Variants in DNM3 observed in about 807,000 individuals in gnomAD.
DNM3 encodes the protein dynamin-3.
DNM3 carries 47 observed loss-of-function variants against 101.6 expected under a neutral mutation model. The ratio of observed to expected loss-of-function variants is 0.46; its 90% confidence interval spans 0.37 to 0.59. The LOEUF is 0.59. Ranked by LOEUF, DNM3 falls within the 20% of genes least tolerant of loss-of-function variation. The pLI is 0.00. For synonymous variants in DNM3, 385 were observed against 387.9 expected (o/e 0.99, Z 0.09); for missense variants, 849 against 1,085.7 (o/e 0.78, Z 3.06).
intron 14 of DNM3, among the ~76,000 whole-genome samples, chr1:172,206,496 G>A (rs1361865053): frequency 6.6e-6 from 1 of 151,968 alleles, no homozygotes; most frequent in Non-Finnish European, 1.5e-5. Context: ...AATTTTTACT[G>A]TTGTATCAAG....
At position 172,407,756 on chromosome 1, in the gene DNM3, C is replaced by A. The variant is rs772314408; in HGVS notation, c.2523-16C>A. 6.2e-7 allele frequency: 1 copy of A among 1,612,230 alleles called. No individual in the cohort carries two copies. Among genetic ancestry groups the A allele is most frequent in the East Asian group, 2.2e-5 (1 of 44,864 alleles). On this transcript the variant is annotated splice_polypyrimidine_tract_variant and intron_variant, in intron 20 of 20. Coordinates refer to ENST00000627582, the MANE Select transcript of DNM3 (RefSeq NM_015569.5). The stretch of plus-strand genomic sequence containing the variant: ...ATTCTACTTGTTTCTTTACCTTTCT[C>A]TTTTTCTCTTTCTAGCCGGAGACCA...
chr1:172,097,269 G>A (rs1042668893), intron 13 of DNM3, among the ~76,000 whole-genome samples: 4 of 151,954 alleles, frequency 2.6e-5, no homozygotes, highest in African/African-American at 7.3e-5. Context: ...GCATGGTGGC[G>A]AGTGCCTGTA....
At chr1:172,011,302 T>C (rs898190408) in intron 4 of DNM3, among the ~76,000 whole-genome samples, 2 of 151,924 alleles carry the variant, frequency 1.3e-5, no homozygotes, top group African/African-American at 4.8e-5. Context: ...CTGCCATGCA[T>C]GTAGAATTAC....
rs1323579105 is a variant in DNM3, at chr1:171,989,148, GGTGA to G, written c.589+4_589+7del. The G allele has an allele frequency of 6.2e-7, 1 of 1,612,242 alleles. No individual in the cohort carries two copies. Among genetic ancestry groups the G allele is most frequent in the Non-Finnish European group, 8.5e-7 (1 of 1,179,018 alleles). Reference sequence around the variant, plus strand: ...GCTAGCTAAAGAAGTTGATCCTCAAGGTGAGTGTGTGACTACTAAGATGAGAAGG... The same window carrying G: ...GCTAGCTAAAGAAGTTGATCCTCAAGGTGTGTGACTACTAAGATGAGAAGG... On this transcript the variant is annotated splice_donor_variant and splice_donor_region_variant and intron_variant, in intron 4 of 20. Transcript: ENST00000627582. LOFTEE classifies it high-confidence loss of function.
intron 1 of DNM3, among the ~76,000 whole-genome samples, chr1:171,887,309 G>A (rs2036863993): frequency 6.6e-6 from 1 of 152,202 alleles, no homozygotes; most frequent in African/African-American, 2.4e-5. Context: ...AGTGACTGGG[G>A]CCAGAACCCA....
At chr1:172,401,199 AC>A (rs1401336418) in intron 20 of DNM3, among the ~76,000 whole-genome samples, 1 of 152,200 alleles carries the variant, frequency 6.6e-6, no homozygotes, top group Non-Finnish European at 1.5e-5. Context: ...TATTTTAAAA[AC>A]CAACTTAAAC....
chr1:171,875,544 T>C (rs2035686334), intron 1 of DNM3, among the ~76,000 whole-genome samples: 1 of 152,094 alleles, frequency 6.6e-6, no homozygotes, highest in Non-Finnish European at 1.5e-5. Flanking sequence ...GGCAATAGAG[T>C]GTGCCATAGC....
Position 172,267,527 on chromosome 1 carries a change from A to T in DNM3, c.1769+13845A>T, listed in dbSNP as rs1026105275. Among the ~76,000 whole-genome samples the T allele has an allele frequency of 2.0e-5, 3 of 152,172 alleles. No individual in the cohort carries two copies. The East Asian group carries it at 5.8e-4, about 29-fold the overall frequency. The stretch of plus-strand genomic sequence containing the variant: ...TGTATAAATGAGTGCTGTTTGAACT[A>T]AATAGAATTCTATGACATTGTCCTT... On this transcript the variant is annotated intron_variant, in intron 15 of 20. Coordinates refer to ENST00000627582, the MANE Select transcript of DNM3 (RefSeq NM_015569.5).
chr1:172,402,819 C>T (rs1385029002), intron 20 of DNM3, among the ~76,000 whole-genome samples: 2 of 152,168 alleles, frequency 1.3e-5, no homozygotes, highest in Non-Finnish European at 2.9e-5. Context: ...CAAAGTGTTT[C>T]TACAAGCATT....
intron 4 of DNM3, among the ~76,000 whole-genome samples, chr1:172,020,585 T>C (rs1572116098): frequency 6.6e-6 from 1 of 151,540 alleles, no homozygotes; most frequent in East Asian, 1.9e-4. Flanking sequence ...TAGCCGGGCA[T>C]GGTGGCGGGC....
chr1:172,145,991 A>T (rs1366469338), intron 14 of DNM3, among the ~76,000 whole-genome samples: 1 of 152,128 alleles, frequency 6.6e-6, no homozygotes, highest in Non-Finnish European at 1.5e-5. Context: ...TTCCCTCCAT[A>T]GGATTCTGAT....
At chr1:172,223,655 C>G (rs2060996942) in intron 14 of DNM3, among the ~76,000 whole-genome samples, 1 of 152,170 alleles carries the variant, frequency 6.6e-6, no homozygotes, top group Admixed American at 6.6e-5. Flanking sequence ...AATAGCACCT[C>G]TATGTCCAAT....
intron 15 of DNM3, among the ~76,000 whole-genome samples, chr1:172,290,572 T>G (rs80024312): frequency 6.6e-6 from 1 of 152,030 alleles, no homozygotes; most frequent in African/African-American, 2.4e-5. Context: ...CCGTGAGAAG[T>G]GACTGGAGGA....
intron 15 of DNM3, among the ~76,000 whole-genome samples, chr1:172,255,843 T>C (rs1288392855): frequency 6.6e-6 from 1 of 152,190 alleles, no homozygotes; most frequent in Non-Finnish European, 1.5e-5. Flanking sequence ...AAAAATTGTA[T>C]AGTGAAATAC....
At chr1:172,009,116 TCA>T (rs1165972451) in intron 4 of DNM3, among the ~76,000 whole-genome samples, 1 of 138,098 alleles carries the variant, frequency 7.2e-6, no homozygotes, top group African/African-American at 2.7e-5. Context: ...ATATTATATA[TCA>T]TATAATATAT....
At chr1:172,153,589 G>A (rs898192636) in intron 14 of DNM3, among the ~76,000 whole-genome samples, 1 of 124,390 alleles carries the variant, frequency 8.0e-6, no homozygotes, top group Non-Finnish European at 1.5e-5. Flanking sequence ...CATTCAGCAC[G>A]AAACTTTCTC....
At chr1:172,278,700 T>G (rs2063379816) in intron 15 of DNM3, among the ~76,000 whole-genome samples, 1 of 152,156 alleles carries the variant, frequency 6.6e-6, no homozygotes, top group South Asian at 2.1e-4. Flanking sequence ...AGCATGTGAC[T>G]TGTTGCATAA....
chr1:172,397,331 C>T (rs2070090927), intron 20 of DNM3: 1 of 152,606 alleles, frequency 6.6e-6, no homozygotes, highest in East Asian at 1.9e-4. Context: ...AAAACCACTG[C>T]AGTAATTTCC....
intron 13 of DNM3, among the ~76,000 whole-genome samples, chr1:172,119,846 A>T (rs570982299): frequency 6.6e-6 from 1 of 152,234 alleles, no homozygotes; most frequent in South Asian, 2.1e-4. Context: ...GTCATCTTCG[A>T]CACCCCTTTC....
Sources: allele counts gnomAD v4.1 joint callset (sites outside exome capture counted in the v4.1 genomes callset), GRCh38; gene constraint gnomAD v4.1.1; transcripts MANE v1.5; gene names NCBI Gene and HGNC (gene_info 2026-07-23, HGNC 2026-07-21).